The following MROH9 variants were observed in gnomAD, a reference collection of about 807,000 sequenced individuals.
MROH9 encodes the protein maestro heat-like repeat-containing protein family member 9.
In MROH9, 92 loss-of-function variants were observed where a neutral mutation model predicts 98.2. The observed-to-expected ratio is 0.94, with a 90% CI of 0.79 to 1.11. The LOEUF (loss-of-function observed/expected upper bound fraction) is 1.11, where lower values mean the gene tolerates loss of function less well. Among genes scored for constraint, MROH9 ranks in the 50% most tolerant of loss-of-function variants. The pLI, the probability that MROH9 is intolerant of heterozygous loss-of-function variation, is 0.00. For missense variants in MROH9, 1,057 were observed against 1,014.8 expected (o/e 1.04, Z -0.57); for synonymous variants, 397 against 368.9 (o/e 1.08, Z -0.87).
intron 11 of MROH9, 128 bp downstream of exon 11, chr1:170,990,131 C>G (rs1294088307): frequency 1.0e-6 from 1 of 961,618 alleles, no homozygotes; most frequent in Non-Finnish European, 1.5e-6. Flanking sequence ...AAGAGAAAAT[C>G]TATTTTTGCA....
intron 1 of MROH9, among the ~76,000 whole-genome samples, chr1:170,935,982 C>CAAAAAAAAAAAAAAAAAAAAAAAA (rs59883013): frequency 3.2e-5 from 2 of 62,256 alleles, no homozygotes; most frequent in Middle Eastern, 0.022. Flanking sequence ...CAGAGTGAGA[C>CAAAAAAAAAAAAAAAAAAAAAAAA]AAAAAAAAAA....
At chr1:171,018,221 G>C (rs1044828849) in intron 17 of MROH9, among the ~76,000 whole-genome samples, 23 of 152,182 alleles carry the variant, frequency 1.5e-4, no homozygotes, top group African/African-American at 5.5e-4. Flanking sequence ...CAGATTCCTC[G>C]AGTGACATCT....
chr1:170,985,310 T>C (rs1246939926), intron 9 of MROH9, among the ~76,000 whole-genome samples: 1 of 152,114 alleles, frequency 6.6e-6, no homozygotes, highest in Non-Finnish European at 1.5e-5. Flanking sequence ...GACTATTAAG[T>C]TAATAGTATA....
intron 9 of MROH9, among the ~76,000 whole-genome samples, chr1:170,984,101 A>G (rs903635136): frequency 6.6e-6 from 1 of 152,176 alleles, no homozygotes; most frequent in Non-Finnish European, 1.5e-5. Context: ...CAGACTACAT[A>G]GGTTTAGCCA....
chr1:170,970,702 C>CTCTG (rs371325691), intron 7 of MROH9, among the ~76,000 whole-genome samples: 2 of 118,478 alleles, frequency 1.7e-5, no homozygotes, highest in African/African-American at 6.8e-5. Context: ...TTAGGAATTT[C>CTCTG]TGTGTGTGTG....
intron 15 of MROH9, among the ~76,000 whole-genome samples, chr1:171,011,297 G>A (rs1652148710): frequency 6.6e-6 from 1 of 152,168 alleles, no homozygotes; most frequent in African/African-American, 2.4e-5. Context: ...AGTTGTTAGA[G>A]AATGGAATAT....
intron 7 of MROH9, among the ~76,000 whole-genome samples, chr1:170,967,091 C>T (rs1372638709): frequency 6.6e-6 from 1 of 152,104 alleles, no homozygotes; most frequent in African/African-American, 2.4e-5. Context: ...TACATCCCAT[C>T]CTTCAACTGC....
chr1:171,055,069 A>G (rs114581130), intron 20 of MROH9, among the ~76,000 whole-genome samples: 4,252 of 152,116 alleles, frequency 0.028, 211 homozygotes, highest in African/African-American at 0.098. Flanking sequence ...ACGCATGTTT[A>G]TGGCAGTACA....
intron 20 of MROH9, among the ~76,000 whole-genome samples, chr1:171,056,784 C>T (rs1399367741): frequency 6.6e-6 from 1 of 152,172 alleles, no homozygotes; most frequent in Non-Finnish European, 1.5e-5. Flanking sequence ...GTTCTCCAGC[C>T]TCCTTGAGTG....
rs767357503 is a variant in MROH9 at position 170,971,900 on chromosome 1, A to T, written c.616+17A>T. On this transcript the variant is annotated intron_variant, in intron 8 of 21. Coordinates refer to ENST00000367759, the MANE Select transcript of MROH9 (RefSeq NM_001163629.2). Reference sequence around the variant, plus strand: ...GTCAGAACGGTAAGAACAGTTCACCATCTTTTCTCAGGATTACTAAGAATA... The same window carrying T: ...GTCAGAACGGTAAGAACAGTTCACCTTCTTTTCTCAGGATTACTAAGAATA... 1 of 1,611,352 alleles carries T rather than the reference A, an allele frequency of 6.2e-7. No homozygotes were observed. Among genetic ancestry groups the T allele is most frequent in the South Asian group, 1.1e-5 (1 of 90,868 alleles).
At chr1:171,060,351 C>G (rs1160867260) in intron 20 of MROH9, among the ~76,000 whole-genome samples, 1 of 152,134 alleles carries the variant, frequency 6.6e-6, no homozygotes, top group Admixed American at 6.6e-5. Context: ...GATGTCAGTT[C>G]TCCCCAAATT....
intron 8 of MROH9, among the ~76,000 whole-genome samples, chr1:170,973,285 G>T (rs1650546295): frequency 6.6e-6 from 1 of 152,096 alleles, no homozygotes; most frequent in Admixed American, 6.6e-5. Context: ...AAAAGATTCA[G>T]TGCTCAACAA....
chr1:170,972,009 A>G (rs1350182690), intron 8 of MROH9, 126 bp downstream of exon 8: 2 of 1,028,154 alleles, frequency 1.9e-6, no homozygotes, highest in African/African-American at 3.2e-5. Flanking sequence ...TCATGGCTAT[A>G]CTTTCTAAAA....
At chr1:170,953,122 TA>T (rs530426656) in intron 3 of MROH9, among the ~76,000 whole-genome samples, 2 of 152,278 alleles carry the variant, frequency 1.3e-5, no homozygotes, top group South Asian at 4.2e-4. Context: ...AATACTTCCT[TA>T]AACTATTGTC....
chr1:170,937,160 T>G (rs1327520380), intron 1 of MROH9, among the ~76,000 whole-genome samples: 1 of 152,218 alleles, frequency 6.6e-6, no homozygotes, highest in Admixed American at 6.5e-5. Flanking sequence ...TACATACAAC[T>G]GAGTTTCTGC....
chr1:170,986,843 G>A (rs1169853162), intron 10 of MROH9, 133 bp downstream of exon 10: 2 of 1,065,148 alleles, frequency 1.9e-6, no homozygotes, highest in South Asian at 1.7e-5. Context: ...ATATAATGAG[G>A]CTTTTGGTTT....
Position 170,986,839 on chromosome 1 carries a change from T to C in MROH9, c.879+129T>C. ...TGTTCATTATATGACTTCAATATAA[T>C]GAGGCTTTTGGTTTTTTAAATTTTA... On this transcript the variant is annotated intron_variant, in intron 10 of 21. Transcript: ENST00000367759. 2.8e-6 allele frequency: 3 copies of C among 1,089,566 alleles called. No individual in the cohort carries two copies. The South Asian group carries it at 4.9e-5, about 18-fold the overall frequency. 67.5% of individuals were successfully genotyped at this position (1,089,566 alleles called of 1,614,324 possible). A position where few individuals can be genotyped will look rare whatever the true frequency, so the allele number is the denominator to read the frequency against.
intron 7 of MROH9, among the ~76,000 whole-genome samples, chr1:170,968,647 C>T (rs1264667488): frequency 1.3e-5 from 2 of 152,120 alleles, no homozygotes; most frequent in Non-Finnish European, 2.9e-5. Context: ...CTTTGAGAGC[C>T]TGAGGTGGGA....
Position 171,064,149 on chromosome 1 carries a change from G to T in MROH9, c.2395G>T (p.Glu799Ter). The T allele has an allele frequency of 1.3e-6, 2 of 1,550,732 alleles. No individual in the cohort carries two copies. The highest frequency in any genetic ancestry group is 1.7e-6 in the Non-Finnish European group (2 of 1,146,800). Residue 799 changes from glutamate to a stop codon, truncating the protein, a stop_gained, in exon 22 of 22, where the codon GAA (glutamate) becomes TAA (stop). Coordinates refer to ENST00000367759, the MANE Select transcript of MROH9 (RefSeq NM_001163629.2). LOFTEE classifies it low-confidence loss of function (END_TRUNC). ...DEDPMIKQLA[E>*]ITYDIFKKKA... Reference sequence around the variant, plus strand: ...AGACCCTATGATCAAACAGTTGGCTGAAATAACCTATGATATTTTTAAGAA... The same window carrying T: ...AGACCCTATGATCAAACAGTTGGCTTAAATAACCTATGATATTTTTAAGAA...
Sources: gnomAD v4.1 joint callset for allele counts (sites outside exome capture counted in the v4.1 genomes callset) on GRCh38, gnomAD v4.1.1 for gene constraint, MANE v1.5 for transcripts, NCBI Gene and HGNC (gene_info 2026-07-23, HGNC 2026-07-21) for gene names.